The following CFAP299 variants were observed in gnomAD, a reference collection of about 807,000 sequenced individuals.
CFAP299 encodes the protein cilia and flagella associated protein 299, also known as cilia- and flagella-associated protein 299.
In CFAP299, 21 loss-of-function variants were observed where a neutral mutation model predicts 27.0. The ratio of observed to expected loss-of-function variants is 0.78; its 90% CI spans 0.55 to 1.12. CFAP299 has a LOEUF of 1.12. CFAP299 is among the 50% of genes most tolerant of loss of function. CFAP299 has a pLI of 0.00. For missense variants in CFAP299, 310 were observed against 276.6 expected, an observed-to-expected ratio of 1.12 and a Z score of -0.86; for synonymous variants, 104 against 98.1, an observed-to-expected ratio of 1.06 and a Z score of -0.36.
At chr4:80,773,064 A>T (rs886467146) in intron 3 of CFAP299, among the ~76,000 whole-genome samples, 1 of 152,174 alleles carries the variant, frequency 6.6e-6, no homozygotes, top group Non-Finnish European at 1.5e-5. Context: ...TTGCAGGGAC[A>T]TGGATAAAGC....
intron 3 of CFAP299, among the ~76,000 whole-genome samples, chr4:80,792,280 C>G (rs148555136): frequency 7.2e-5 from 11 of 152,136 alleles, no homozygotes; most frequent in African/African-American, 2.2e-4. Flanking sequence ...AGGGGTCAGG[C>G]AGACTTTTGA....
chr4:80,448,931 A>C (rs1049923352), intron 2 of CFAP299, among the ~76,000 whole-genome samples: 1 of 152,192 alleles, frequency 6.6e-6, no homozygotes, highest in Non-Finnish European at 1.5e-5. Flanking sequence ...ATATATCCCA[A>C]GTGGCCATCT....
At chr4:80,715,224 C>CA (rs1362238757) in intron 3 of CFAP299, among the ~76,000 whole-genome samples, 1 of 152,058 alleles carries the variant, frequency 6.6e-6, no homozygotes, top group Non-Finnish European at 1.5e-5. Flanking sequence ...ACTATATAAA[C>CA]ACAATGATTC....
intron 2 of CFAP299, among the ~76,000 whole-genome samples, chr4:80,558,658 C>T (rs993243094): frequency 6.6e-6 from 1 of 151,174 alleles, no homozygotes; most frequent in Non-Finnish European, 1.5e-5. Context: ...CCAGATGCGA[C>T]TTAGACTATT....
chr4:80,583,121 C>A lies in CFAP299; in HGVS notation c.271C>A (p.Gln91Lys). The A allele has an allele frequency of 6.2e-7, 1 of 1,604,750 alleles. No homozygotes were observed. Among genetic ancestry groups the A allele is most frequent in the Non-Finnish European group, 8.5e-7 (1 of 1,174,148 alleles). ...GCTAACAAGTGCTGGTAAAGACCTA[C>A]AAGATAATTTTCTGACGGCCCTGGC... is the stretch of plus-strand genomic sequence containing the variant. ...KTLTSAGKDL[Q>K]DNFLTALAMR... The change falls in exon 3 of 6, where the codon CAA (glutamine) becomes AAA (lysine). Residue 91 changes from glutamine (Q) to lysine (K), a missense_variant. Coordinates refer to ENST00000358105, the MANE Select transcript of CFAP299 (RefSeq NM_152770.3).
intron 2 of CFAP299, among the ~76,000 whole-genome samples, chr4:80,377,934 G>A (rs1447069627): frequency 6.6e-6 from 1 of 152,092 alleles, no homozygotes; most frequent in East Asian, 1.9e-4. Context: ...ACAATAATGA[G>A]GAAGAAGCAA....
chr4:80,591,574 C>T (rs1736794842), intron 3 of CFAP299, among the ~76,000 whole-genome samples: 1 of 151,960 alleles, frequency 6.6e-6, no homozygotes, highest in African/African-American at 2.4e-5. Context: ...CTCACTAATC[C>T]CTAACCCTCT....
chr4:80,961,361 G>A (rs952878629), intron 5 of CFAP299, among the ~76,000 whole-genome samples: 3 of 151,704 alleles, frequency 2.0e-5, no homozygotes, highest in Non-Finnish European at 3.0e-5. Flanking sequence ...GATTTACTGT[G>A]ATTATGTGAA....
At chr4:80,800,535 T>TA (rs1197652908) in intron 3 of CFAP299, among the ~76,000 whole-genome samples, 1 of 34,696 alleles carries the variant, frequency 2.9e-5, no homozygotes, top group Non-Finnish European at 4.1e-5. Context: ...ATATATTATA[T>TA]AATATATAAT....
At chr4:80,822,648 G>A (rs547115735) in intron 3 of CFAP299, among the ~76,000 whole-genome samples, 3 of 152,284 alleles carry the variant, frequency 2.0e-5, no homozygotes, top group Admixed American at 2.0e-4. Flanking sequence ...TAAGATCTAT[G>A]AGAGCATAAG....
At chr4:80,588,161 T>C (rs1212977662) in intron 3 of CFAP299, among the ~76,000 whole-genome samples, 1 of 151,064 alleles carries the variant, frequency 6.6e-6, no homozygotes, top group Non-Finnish European at 1.5e-5. Context: ...TCCCCATTCC[T>C]CTCTCCATCA....
At chr4:80,801,789 C>T (rs1389958118) in intron 3 of CFAP299, among the ~76,000 whole-genome samples, 3 of 152,116 alleles carry the variant, frequency 2.0e-5, no homozygotes, top group African/African-American at 7.2e-5. Context: ...CAAAACGAGG[C>T]ACCTTTGCTT....
At chr4:80,417,437 A>T (rs1032068588) in intron 2 of CFAP299, among the ~76,000 whole-genome samples, 1 of 152,074 alleles carries the variant, frequency 6.6e-6, no homozygotes, top group African/African-American at 2.4e-5. Flanking sequence ...GCCCCTATTC[A>T]AGATGGAGTT....
rs1734435682 is a variant in CFAP299 at position 80,893,253 on chromosome 4, A to T, written c.476+23118A>T. The stretch of plus-strand genomic sequence containing the variant: ...ATTGAAGGCACAAGCAGATGAAGGC[A>T]TCCCATGTTTATGGATTGAAAAAAA... On this transcript the variant is annotated intron_variant, in intron 4 of 5. Coordinates refer to ENST00000358105, the MANE Select transcript of CFAP299 (RefSeq NM_152770.3). 2.6e-5 allele frequency among the ~76,000 whole-genome samples: 4 copies of T among 151,644 alleles called. No homozygotes were observed. In the South Asian group the frequency reaches 8.3e-4, roughly 31 times the overall value.
At chr4:80,890,821 G>A (rs1734233863) in intron 4 of CFAP299, among the ~76,000 whole-genome samples, 1 of 146,854 alleles carries the variant, frequency 6.8e-6, no homozygotes, top group Non-Finnish European at 1.5e-5. Flanking sequence ...GTGATGATGA[G>A]CATTTCTTCA....
chr4:80,945,439 T>A (rs1021199713), intron 5 of CFAP299, among the ~76,000 whole-genome samples: 1 of 152,240 alleles, frequency 6.6e-6, no homozygotes, highest in Non-Finnish European at 1.5e-5. Flanking sequence ...TTTAAAGACA[T>A]GTCTCATGAT....
chr4:80,426,249 G>T (rs1727524103), intron 2 of CFAP299, among the ~76,000 whole-genome samples: 1 of 151,206 alleles, frequency 6.6e-6, no homozygotes, highest in Non-Finnish European at 1.5e-5. Context: ...TTTTTGAAGG[G>T]AACTATGAAA....
the CFAP299 span, among the ~76,000 whole-genome samples, chr4:80,329,208 CAT>C: frequency 0.2 from 27,304 of 135,958 alleles, 2,720 homozygotes; most frequent in Middle Eastern, 0.28. Flanking sequence ...ACACTGTATA[CAT>C]ATATATATAT....
At chr4:80,403,309 G>C (rs1212455230) in intron 2 of CFAP299, among the ~76,000 whole-genome samples, 1 of 152,176 alleles carries the variant, frequency 6.6e-6, no homozygotes, top group Non-Finnish European at 1.5e-5. Flanking sequence ...AATAGAAATA[G>C]TTGCTCTTTG....
Sources: allele counts gnomAD v4.1 joint callset (sites outside exome capture counted in the v4.1 genomes callset), GRCh38; gene constraint gnomAD v4.1.1; transcripts MANE v1.5; gene names NCBI Gene and HGNC (gene_info 2026-07-23, HGNC 2026-07-21).